Variants in NELL1 observed in about 807,000 individuals in gnomAD.
The protein encoded by NELL1 is neural EGFL like 1.
In NELL1, 76 loss-of-function variants were observed where a neutral mutation model predicts 107.4. The ratio of observed to expected loss-of-function variants is 0.71; its 90% CI spans 0.59 to 0.86. The LOEUF (loss-of-function observed/expected upper bound fraction) is 0.86. Among genes scored for constraint, NELL1 ranks in the 40% least tolerant of loss-of-function variants. The probability of loss-of-function intolerance (pLI) is 0.00; values close to 1 mark genes in which losing one functional copy is unlikely to be tolerated. For synonymous variants in NELL1, 353 were observed against 341.2 expected, an observed-to-expected ratio of 1.03 and a Z score of -0.38; for missense variants, 1,024 against 1,005.5, an observed-to-expected ratio of 1.02 and a Z score of -0.25.
intron 14 of NELL1, among the ~76,000 whole-genome samples, chr11:21,263,302 C>A (rs372744330): frequency 1.6e-4 from 25 of 151,872 alleles, no homozygotes; most frequent in African/African-American, 4.8e-4. Flanking sequence ...AAACACTAAT[C>A]GAAAGCTCTG....
In NELL1 at chr11:21,540,386, C is replaced by A. The variant is rs556761725; in HGVS notation, c.1786+5872C>A. 2.4e-4 allele frequency among the ~76,000 whole-genome samples: 37 copies of A among 152,218 alleles called. No individual in the cohort carries two copies. The South Asian group carries it at 7.7e-3, about 32-fold the overall frequency. Reference sequence around the variant, plus strand: ...TCGCTGGTATTGATCATTTTCCCTACCTCCATCAAATCAATTTTTTTAGCT... The same window carrying A: ...TCGCTGGTATTGATCATTTTCCCTAACTCCATCAAATCAATTTTTTTAGCT... On this transcript the variant is annotated intron_variant, in intron 16 of 19. Coordinates refer to ENST00000357134, the MANE Select transcript of NELL1 (RefSeq NM_006157.5).
intron 13 of NELL1, among the ~76,000 whole-genome samples, chr11:21,136,017 T>C (rs141209237): frequency 2.6e-5 from 4 of 152,340 alleles, no homozygotes; most frequent in African/African-American, 9.6e-5. Context: ...ATTATTTCAG[T>C]TGTTATAAGT....
intron 16 of NELL1, among the ~76,000 whole-genome samples, chr11:21,548,970 A>G (rs2133987318): frequency 6.6e-6 from 1 of 151,472 alleles, no homozygotes; most frequent in African/African-American, 2.4e-5. Flanking sequence ...TGGTTTCAGG[A>G]AAATATGATT....
chr11:21,258,390 A>G (rs2133919194), intron 14 of NELL1, among the ~76,000 whole-genome samples: 2 of 152,148 alleles, frequency 1.3e-5, no homozygotes, highest in South Asian at 4.1e-4. Context: ...CTCCAGAGAA[A>G]CAGAAGTAAT....
At chr11:21,062,171 A>G (rs1326359958) in intron 12 of NELL1, among the ~76,000 whole-genome samples, 3 of 152,220 alleles carry the variant, frequency 2.0e-5, no homozygotes, top group Non-Finnish European at 4.4e-5. Flanking sequence ...TGCACACTAC[A>G]TTTTCATAAA....
At chr11:20,725,226 A>G (rs182493015) in intron 2 of NELL1, among the ~76,000 whole-genome samples, 68 of 152,342 alleles carry the variant, frequency 4.5e-4, no homozygotes, top group African/African-American at 1.6e-3. Flanking sequence ...AGAAAAATTC[A>G]TCTGTTGACT....
At chr11:20,713,860 A>AT (rs1478946835) in intron 2 of NELL1, among the ~76,000 whole-genome samples, 2 of 152,026 alleles carry the variant, frequency 1.3e-5, no homozygotes, top group Admixed American at 1.3e-4. Context: ...TGCTGCTTCT[A>AT]TTTTTTATTT....
intron 14 of NELL1, among the ~76,000 whole-genome samples, chr11:21,344,138 G>A (rs568340261): frequency 3.3e-5 from 5 of 152,236 alleles, no homozygotes; most frequent in South Asian, 2.1e-4. Flanking sequence ...TAATTTTCTC[G>A]GGTATCCTAT....
At chr11:20,786,734 C>T (rs951699395) in intron 3 of NELL1, among the ~76,000 whole-genome samples, 2 of 151,876 alleles carry the variant, frequency 1.3e-5, no homozygotes, top group African/African-American at 2.4e-5. Flanking sequence ...AGAGGCCAGG[C>T]GCGGTGGTTT....
intron 12 of NELL1, among the ~76,000 whole-genome samples, chr11:21,053,667 CTT>C (rs1853549323): frequency 6.6e-6 from 1 of 152,134 alleles, no homozygotes; most frequent in African/African-American, 2.4e-5. Flanking sequence ...TTCTTTCAGT[CTT>C]TTCTGTCACT....
intron 3 of NELL1, among the ~76,000 whole-genome samples, chr11:20,825,892 C>T (rs1237088358): frequency 3.3e-5 from 5 of 151,228 alleles, no homozygotes; most frequent in African/African-American, 1.2e-4. Flanking sequence ...ACCCAAATCT[C>T]ATCTTGAATT....
intron 2 of NELL1, among the ~76,000 whole-genome samples, chr11:20,691,495 G>C (rs998966693): frequency 3.9e-5 from 6 of 152,046 alleles, no homozygotes; most frequent in African/African-American, 7.2e-5. Flanking sequence ...TAGCATGAAG[G>C]GTTGTTGAAT....
At chr11:20,843,834 G>A (rs991262547) in intron 3 of NELL1, among the ~76,000 whole-genome samples, 1 of 151,904 alleles carries the variant, frequency 6.6e-6, no homozygotes, top group Admixed American at 6.6e-5. Context: ...AATTCAGATA[G>A]TCTCATGAAA....
intron 13 of NELL1, among the ~76,000 whole-genome samples, chr11:21,221,679 T>A (rs910824548): frequency 9.2e-5 from 14 of 152,172 alleles, no homozygotes; most frequent in Admixed American, 2.0e-4. Context: ...ATAGCTATCA[T>A]AATAGTGTCT....
chr11:21,570,135 A>G (rs1188427211), intron 17 of NELL1, among the ~76,000 whole-genome samples: 3 of 151,872 alleles, frequency 2.0e-5, no homozygotes, highest in African/African-American at 7.2e-5. Flanking sequence ...AATATGGGGA[A>G]CTGCCATAAG....
At position 20,790,720 on chromosome 11, in the gene NELL1, C is replaced by T. The variant is rs555061471; in HGVS notation, c.335+6890C>T. Among the ~76,000 whole-genome samples the T allele has an allele frequency of 7.7e-4, 117 of 152,068 alleles. 1 individual carries two copies. Among genetic ancestry groups the T allele is most frequent in the African/African-American group, 2.6e-3 (106 of 41,472 alleles). On this transcript the variant is annotated intron_variant, in intron 3 of 19. Transcript: ENST00000357134. ...TTGGGCCCTGCTCCTGCCTGCTCTACGGGGCAGGAGGCCTGGGTCTGTAGC... is the reference window on the plus strand; with the variant it reads ...TTGGGCCCTGCTCCTGCCTGCTCTATGGGGCAGGAGGCCTGGGTCTGTAGC...
At chr11:20,936,948 A>G (rs1249565375) in intron 9 of NELL1, among the ~76,000 whole-genome samples, 6 of 152,140 alleles carry the variant, frequency 3.9e-5, no homozygotes, top group Non-Finnish European at 1.5e-5. Flanking sequence ...TGTTCCTCCT[A>G]GAGCTGGGGC....
At chr11:20,946,641 T>G (rs1345703999) in intron 10 of NELL1, among the ~76,000 whole-genome samples, 1 of 152,198 alleles carries the variant, frequency 6.6e-6, no homozygotes, top group East Asian at 1.9e-4. Flanking sequence ...CCTTCTTCCT[T>G]TATTCCACTA....
intron 13 of NELL1, among the ~76,000 whole-genome samples, chr11:21,215,997 C>A (rs1432095085): frequency 6.6e-6 from 1 of 152,122 alleles, no homozygotes; most frequent in Non-Finnish European, 1.5e-5. Context: ...TATCACAGAG[C>A]CAGAGGCCTA....
Sources: allele counts gnomAD v4.1 joint callset (sites outside exome capture counted in the v4.1 genomes callset), GRCh38; gene constraint gnomAD v4.1.1; transcripts MANE v1.5; gene names NCBI Gene and HGNC (gene_info 2026-07-23, HGNC 2026-07-21).